Variants in TBC1D32 observed in about 807,000 individuals in gnomAD.
TBC1D32 encodes the protein protein broad-minded.
TBC1D32 carries 151 observed loss-of-function variants against 170.3 expected under a neutral mutation model. That is an observed-to-expected ratio of 0.89 (90% CI 0.78 to 1.01). The LOEUF is 1.01. Ranked by LOEUF, TBC1D32 falls within the 50% of genes least tolerant of loss-of-function variation. TBC1D32 has a pLI of 0.00. For synonymous variants in TBC1D32, 498 were observed against 488.0 expected, an observed-to-expected ratio of 1.02 and a Z score of -0.27; for missense variants, 1,464 against 1,457.1, an observed-to-expected ratio of 1.00 and a Z score of -0.08.
In TBC1D32 at chr6:121,161,031, C is replaced by A; in HGVS notation, c.2596G>T (p.Val866Leu). 1 of 1,612,984 alleles carries A rather than the reference C, an allele frequency of 6.2e-7. No homozygotes were observed. Among genetic ancestry groups the A allele is most frequent in the Non-Finnish European group, 8.5e-7 (1 of 1,179,512 alleles). ...LRDFIIDGLS[V>L]ERNHVLVRIN... is the part of the protein sequence containing the mutation. ...CTAACAAGAACATGATTTCTCTCCA[C>A]TGATAAGCCATCAATTATAAAGTCC... The change falls in exon 23 of 32, where the codon GTG becomes TTG. Residue 866 changes from valine (V) to leucine (L), a missense_variant. Physicochemically the swap from Val to Leu is conservative, Grantham distance 32 (BLOSUM62 1). Coordinates refer to ENST00000398212, the MANE Select transcript of TBC1D32 (RefSeq NM_152730.6).
At chr6:121,253,030 C>G (rs1798498288) in intron 17 of TBC1D32, among the ~76,000 whole-genome samples, 1 of 152,062 alleles carries the variant, frequency 6.6e-6, no homozygotes, top group Non-Finnish European at 1.5e-5. Flanking sequence ...AAAAACTCTT[C>G]TGGGCATTAG....
rs150017469 is a variant in TBC1D32, at chr6:121,261,266, C to T, written c.1734-4981G>A. Among the ~76,000 whole-genome samples, 675 of 152,324 alleles carry T rather than the reference C, an allele frequency of 4.4e-3. 4 individuals are homozygous for T. Among genetic ancestry groups the T allele is most frequent in the Non-Finnish European group, 7.0e-3 (478 of 68,030 alleles). On this transcript the variant is annotated intron_variant, in intron 15 of 31. Transcript: ENST00000398212. ...TTGGTTTCCCCCCAGTGCAGCACACCCTCTGCCAAGGAGCAGTCAAAGTGG... is the reference window on the plus strand; with the variant it reads ...TTGGTTTCCCCCCAGTGCAGCACACTCTCTGCCAAGGAGCAGTCAAAGTGG...
chr6:121,303,481 G>A, intron 9 of TBC1D32, 136 bp downstream of exon 9: 1 of 742,638 alleles, frequency 1.3e-6, no homozygotes, highest in Non-Finnish European at 1.9e-6. Context: ...ACCTCGTAAA[G>A]TTTTATAAGA....
intron 5 of TBC1D32, among the ~76,000 whole-genome samples, chr6:121,307,660 G>A (rs1273276824): frequency 6.6e-6 from 1 of 152,102 alleles, no homozygotes; most frequent in African/African-American, 2.4e-5. Flanking sequence ...AGGAGTTCGA[G>A]ACCAGCCCGG....
chr6:121,093,695 T>C (rs1368509971), intron 30 of TBC1D32, among the ~76,000 whole-genome samples: 1 of 152,172 alleles, frequency 6.6e-6, no homozygotes, highest in Non-Finnish European at 1.5e-5. Context: ...AATGCAGTTA[T>C]AATTTTTTGG....
rs778130628 is a variant in TBC1D32 at position 121,279,156 on chromosome 6, G to C, written c.1698C>G (p.Leu566=). The change falls in exon 15 of 32, where the codon CTC becomes CTG. Residue 566 remains leucine (L), a synonymous_variant. Coordinates refer to ENST00000398212, the MANE Select transcript of TBC1D32 (RefSeq NM_152730.6). ...IASVEEGLIL[L]LYGANMNSSE... ...AAGAGTTCATATTTGCTCCATAAAG[G>C]AGTAAAATAAGCCCTTCTTCTACAG... is the stretch of plus-strand genomic sequence containing the variant. The C allele has an allele frequency of 2.5e-6, 4 of 1,610,326 alleles. No homozygotes were observed. The highest frequency in any genetic ancestry group is 1.7e-4 in the Middle Eastern group (1 of 6,026).
At chr6:121,292,574 G>C (rs1387905072) in intron 11 of TBC1D32, among the ~76,000 whole-genome samples, 1 of 152,066 alleles carries the variant, frequency 6.6e-6, no homozygotes, top group African/African-American at 2.4e-5. Flanking sequence ...TATTACAAAA[G>C]ATCATATTAA....
chr6:121,270,242 A>T (rs538591810), intron 15 of TBC1D32, among the ~76,000 whole-genome samples: 12 of 152,312 alleles, frequency 7.9e-5, no homozygotes, highest in African/African-American at 2.6e-4. Flanking sequence ...AGTTAGCAGA[A>T]GGCAAAAAAT....
At chr6:121,153,706 C>T (rs1158455818) in intron 24 of TBC1D32, among the ~76,000 whole-genome samples, 1 of 152,116 alleles carries the variant, frequency 6.6e-6, no homozygotes, top group Non-Finnish European at 1.5e-5. Flanking sequence ...GAGGAGGAAT[C>T]TAGAGAGGCA....
At chr6:121,107,201 T>C (rs572428395) in intron 29 of TBC1D32, among the ~76,000 whole-genome samples, 74 of 152,094 alleles carry the variant, frequency 4.9e-4, no homozygotes, top group Non-Finnish European at 9.6e-4. Context: ...ATAGCAATTA[T>C]ATGAGTTGAA....
intron 21 of TBC1D32, among the ~76,000 whole-genome samples, chr6:121,209,227 A>G (rs1792735241): frequency 6.6e-6 from 1 of 152,110 alleles, no homozygotes; most frequent in Non-Finnish European, 1.5e-5. Context: ...GTTTGGAGAT[A>G]TGTATACACC....
Position 121,256,156 on chromosome 6 carries a change from A to G in TBC1D32, c.1863T>C (p.Tyr621=). The stretch of plus-strand genomic sequence containing the variant: ...ACACCTGCAAACCTTCACATGTACT[A>G]TATATGTGACGACACACAGAAATAA... ...GAFISVCRHI[Y]STCEGLQVLI... is the part of the protein sequence containing the mutation. Residue 621 remains tyrosine (Y), a synonymous_variant, in exon 16 of 32, where the codon TAT becomes TAC. Coordinates refer to ENST00000398212, the MANE Select transcript of TBC1D32 (RefSeq NM_152730.6). 6.2e-7 allele frequency: 1 copy of G among 1,613,834 alleles called. No individual in the cohort carries two copies. The highest frequency in any genetic ancestry group is 1.1e-5 in the South Asian group (1 of 91,072).
In TBC1D32 at chr6:121,080,809, G is replaced by A. The variant is rs1775562576; in HGVS notation, c.3736C>T (p.Leu1246=). Residue 1246 remains leucine, a synonymous_variant, in exon 32 of 32, where the codon CTG becomes TTG. Coordinates refer to ENST00000398212, the MANE Select transcript of TBC1D32 (RefSeq NM_152730.6). ...ILEQNYRTVL[L]RDMRNIRLQS... is the part of the protein sequence containing the mutation. ...AGTCTAATGTTCCGCATGTCTCTCA[G>A]CAGCACTGTTCGGTAGTTTTGTTCC... The A allele has an allele frequency of 6.2e-7, 1 of 1,613,732 alleles. No individual in the cohort carries two copies. The highest frequency in any genetic ancestry group is 8.5e-7 in the Non-Finnish European group (1 of 1,179,912).
At chr6:121,221,089 C>T (rs929983420) in intron 21 of TBC1D32, among the ~76,000 whole-genome samples, 1 of 152,194 alleles carries the variant, frequency 6.6e-6, no homozygotes, top group Non-Finnish European at 1.5e-5. Flanking sequence ...CAGATGGTGA[C>T]TTTAAGCAGA....
Position 121,294,643 on chromosome 6 carries a change from T to C in TBC1D32, c.1158A>G (p.Gln386=). The C allele has an allele frequency of 6.2e-7, 1 of 1,612,242 alleles. No homozygotes were observed. The highest frequency in any genetic ancestry group is 1.1e-5 in the South Asian group (1 of 90,724). The stretch of plus-strand genomic sequence containing the variant: ...ACATTTCAAAGTACTGAACACACTG[T>C]TGAATGGCTGTAGTTACCTGATGAA... ...KYKSLVTTAI[Q]QCVQYFEMCK... Residue 386 remains glutamine, a synonymous_variant, in exon 11 of 32, where the codon CAA becomes CAG. Coordinates refer to ENST00000398212, the MANE Select transcript of TBC1D32 (RefSeq NM_152730.6).
chr6:121,144,074 G>A (rs1783132241), intron 24 of TBC1D32, among the ~76,000 whole-genome samples: 1 of 152,120 alleles, frequency 6.6e-6, no homozygotes, highest in Non-Finnish European at 1.5e-5. Flanking sequence ...CTTATTATGA[G>A]GAAGTATCAG....
chr6:121,272,544 C>T (rs1801611638), intron 15 of TBC1D32, among the ~76,000 whole-genome samples: 1 of 152,110 alleles, frequency 6.6e-6, no homozygotes, highest in Non-Finnish European at 1.5e-5. Flanking sequence ...AAATGCAAAT[C>T]AAAACCACAA....
At chr6:121,158,162 TC>T (rs199612276) in intron 24 of TBC1D32, among the ~76,000 whole-genome samples, 25,778 of 152,136 alleles carry the variant, frequency 0.17, 2,816 homozygotes, top group African/African-American at 0.28. Flanking sequence ...CTTTACATAA[TC>T]TCATATTTCT....
intron 15 of TBC1D32, among the ~76,000 whole-genome samples, chr6:121,263,538 G>A (rs1157492032): frequency 1.3e-5 from 2 of 152,198 alleles, no homozygotes; most frequent in Admixed American, 1.3e-4. Context: ...GGGTATTAAC[G>A]AGACAGAAAA....
Sources: allele counts gnomAD v4.1 joint callset (sites outside exome capture counted in the v4.1 genomes callset), GRCh38; gene constraint gnomAD v4.1.1; transcripts MANE v1.5; gene names NCBI Gene and HGNC (gene_info 2026-07-23, HGNC 2026-07-21).